GALNT13: variants seen among roughly 807,000 people sequenced by gnomAD.
GALNT13 encodes the protein polypeptide N-acetylgalactosaminyltransferase 13.
In GALNT13, 28 loss-of-function variants were observed where a neutral mutation model predicts 64.2. The ratio of observed to expected loss-of-function variants is 0.44; its 90% CI spans 0.32 to 0.60. The LOEUF (loss-of-function observed/expected upper bound fraction) is 0.60. GALNT13 is among the 20% of genes least tolerant of loss of function. The pLI, the probability that GALNT13 is intolerant of heterozygous loss-of-function variation, is 0.05. For synonymous variants in GALNT13, 214 were observed against 224.6 expected, an observed-to-expected ratio of 0.95 and a Z score of 0.42; for missense variants, 577 against 669.8, an observed-to-expected ratio of 0.86 and a Z score of 1.53.
At chr2:153,983,717 G>T (rs1694616991) in intron 3 of GALNT13, among the ~76,000 whole-genome samples, 1 of 151,888 alleles carries the variant, frequency 6.6e-6, no homozygotes, top group Admixed American at 6.6e-5. Flanking sequence ...AACCCTTTAT[G>T]TCCTTGGCAT....
At chr2:153,989,116 A>G (rs1376942028) in intron 3 of GALNT13, among the ~76,000 whole-genome samples, 1 of 151,994 alleles carries the variant, frequency 6.6e-6, no homozygotes, top group Non-Finnish European at 1.5e-5. Context: ...CAAACATTTC[A>G]AGGACATTTC....
chr2:153,797,923 A>G, the GALNT13 span, among the ~76,000 whole-genome samples: 604 of 152,302 alleles, frequency 4.0e-3, 5 homozygotes, highest in African/African-American at 0.014. Flanking sequence ...TTTCTGGAGT[A>G]ACTCTGACAT....
At chr2:153,701,657 C>T in the GALNT13 span, among the ~76,000 whole-genome samples, 14 of 152,116 alleles carry the variant, frequency 9.2e-5, no homozygotes, top group East Asian at 1.9e-4. Flanking sequence ...ACAATCCCAT[C>T]GAAAAATGGG....
chr2:154,323,712 T>G (rs1056663061), intron 9 of GALNT13, among the ~76,000 whole-genome samples: 1 of 152,122 alleles, frequency 6.6e-6, no homozygotes, highest in African/African-American at 2.4e-5. Flanking sequence ...CAGTGATAGT[T>G]ACCCAGAGTA....
chr2:154,142,879 A>G, intron 4 of GALNT13, among the ~76,000 whole-genome samples: 1 of 152,146 alleles, frequency 6.6e-6, no homozygotes, highest in African/African-American at 2.4e-5. Context: ...GATACATTTA[A>G]AAGTACATAC....
the GALNT13 span, among the ~76,000 whole-genome samples, chr2:153,102,023 A>T: frequency 1.3e-5 from 2 of 152,140 alleles, no homozygotes; most frequent in African/African-American, 4.8e-5. Flanking sequence ...ATTTATTTTT[A>T]TGCATTTTGT....
the GALNT13 span, among the ~76,000 whole-genome samples, chr2:153,404,035 C>G: frequency 2.6e-5 from 4 of 152,210 alleles, no homozygotes; most frequent in Admixed American, 2.6e-4. Context: ...TTCTACCAAA[C>G]ACTGCAAATC....
the GALNT13 span, among the ~76,000 whole-genome samples, chr2:153,415,893 G>A: frequency 2.0e-5 from 3 of 152,142 alleles, no homozygotes; most frequent in African/African-American, 7.2e-5. Context: ...AAAGAATTAA[G>A]TAAATGTTGT....
Position 154,043,455 on chromosome 2 carries a change from T to TATATATATATATACATACAC in GALNT13, c.143-96881_143-96880insTATATATATATACATACACA, listed in dbSNP as rs1341373277. Among the ~76,000 whole-genome samples the TATATATATATATACATACAC allele has an allele frequency of 2.6e-4, 27 of 104,994 alleles. 1 individual carries two copies. Among genetic ancestry groups the TATATATATATATACATACAC allele is most frequent in the East Asian group, 1.3e-3 (2 of 1,588 alleles). The allele number at this position is 104,994 out of a possible 152,430, so 68.9% of individuals were successfully genotyped here. A position where few individuals can be genotyped will look rare whatever the true frequency, so the allele number is the denominator to read the frequency against. ...ATATATATATATATATATATATATA[T>TATATATATATATACATACAC]ACACACATGTATACATAAAAACATG... On this transcript the variant is annotated intron_variant, in intron 3 of 12. Coordinates refer to ENST00000392825, the MANE Select transcript of GALNT13 (RefSeq NM_052917.4).
intron 3 of GALNT13, among the ~76,000 whole-genome samples, chr2:153,954,280 T>A: frequency 6.6e-6 from 1 of 152,150 alleles, no homozygotes; most frequent in East Asian, 1.9e-4. Context: ...AGTATTGGAA[T>A]TGCCCTTAAT....
At chr2:154,122,770 T>A (rs1380841576) in intron 3 of GALNT13, among the ~76,000 whole-genome samples, 1 of 152,054 alleles carries the variant, frequency 6.6e-6, no homozygotes, top group South Asian at 2.1e-4. Context: ...TTCTTTATTG[T>A]CCTTTTGATG....
intron 12 of GALNT13, chr2:154,445,713 G>T (rs2105493294): frequency 1.5e-6 from 1 of 673,980 alleles, no homozygotes; most frequent in Non-Finnish European, 2.2e-6. Context: ...CCAATAATTT[G>T]TGTTCATTAA....
chr2:153,170,971 AT>A, the GALNT13 span, among the ~76,000 whole-genome samples: 4 of 120,908 alleles, frequency 3.3e-5, no homozygotes, highest in Non-Finnish European at 8.2e-5. Context: ...AGATGAAATT[AT>A]TTTTTAAAAT....
the GALNT13 span, among the ~76,000 whole-genome samples, chr2:153,109,744 C>T: frequency 6.6e-6 from 1 of 151,974 alleles, no homozygotes; most frequent in Admixed American, 6.6e-5. Context: ...TCCAGTAAGC[C>T]CAAATCAATT....
chr2:153,269,035 C>T, the GALNT13 span, among the ~76,000 whole-genome samples: 3 of 152,200 alleles, frequency 2.0e-5, no homozygotes, highest in African/African-American at 7.2e-5. Context: ...GACATTATCT[C>T]CATTGTCTTG....
chr2:154,314,393 C>G (rs747997875), intron 9 of GALNT13, among the ~76,000 whole-genome samples: 2 of 152,124 alleles, frequency 1.3e-5, no homozygotes. Context: ...CTAAGTCCCC[C>G]AAATTAGATA....
At chr2:153,826,196 G>C in the GALNT13 span, among the ~76,000 whole-genome samples, 37 of 152,238 alleles carry the variant, frequency 2.4e-4, no homozygotes, top group African/African-American at 8.7e-4. Context: ...GTTCCAAGGT[G>C]GTGCAGGGTA....
chr2:154,078,668 G>A (rs1701112967), intron 3 of GALNT13, among the ~76,000 whole-genome samples: 1 of 151,536 alleles, frequency 6.6e-6, no homozygotes, highest in Admixed American at 6.6e-5. Flanking sequence ...TTTTGAGGAT[G>A]GGGGTCATAA....
At chr2:153,818,844 C>T in the GALNT13 span, among the ~76,000 whole-genome samples, 2 of 152,148 alleles carry the variant, frequency 1.3e-5, no homozygotes, top group Non-Finnish European at 2.9e-5. Context: ...CAAGCCCCAC[C>T]AGTCTGTAAT....
Sources: gnomAD v4.1 joint callset for allele counts (sites outside exome capture counted in the v4.1 genomes callset) on GRCh38, gnomAD v4.1.1 for gene constraint, MANE v1.5 for transcripts, NCBI Gene and HGNC (gene_info 2026-07-23, HGNC 2026-07-21) for gene names.